CPQ: variants seen among roughly 807,000 people sequenced by gnomAD.
CPQ encodes the protein Ser-Met dipeptidase.
A neutral mutation model predicts 45.7 loss-of-function variants in CPQ; 37 were observed. That is an observed-to-expected ratio of 0.81 (90% CI 0.62 to 1.07). The LOEUF (loss-of-function observed/expected upper bound fraction) is 1.07, where lower values mean the gene tolerates loss of function less well. Ranked by LOEUF, CPQ falls within the 50% of genes least tolerant of loss-of-function variation. The probability of loss-of-function intolerance (pLI) is 0.00; values close to 1 mark genes in which losing one functional copy is unlikely to be tolerated. For synonymous variants in CPQ, 186 were observed against 205.8 expected, an observed-to-expected ratio of 0.90 and a Z score of 0.82; for missense variants, 537 against 572.9, an observed-to-expected ratio of 0.94 and a Z score of 0.64.
intron 6 of CPQ, among the ~76,000 whole-genome samples, chr8:97,039,429 C>A (rs1469429158): frequency 6.7e-6 from 1 of 149,866 alleles, no homozygotes; most frequent in African/African-American, 2.5e-5. Context: ...TTAATATTTC[C>A]TTTCCTTTTT....
At chr8:96,662,307 CTT>C (rs1219071824) in intron 1 of CPQ, among the ~76,000 whole-genome samples, 1 of 152,032 alleles carries the variant, frequency 6.6e-6, no homozygotes, top group Non-Finnish European at 1.5e-5. Context: ...CAATTTGGAA[CTT>C]TTAACATTTA....
intron 1 of CPQ, among the ~76,000 whole-genome samples, chr8:96,706,101 AG>A (rs1809527635): frequency 6.6e-6 from 1 of 152,270 alleles, no homozygotes; most frequent in Non-Finnish European, 1.5e-5. Context: ...GTAATGTTAA[AG>A]GCTTGCTGAC....
chr8:96,854,536 A>AC, intron 3 of CPQ, among the ~76,000 whole-genome samples: 1 of 89,900 alleles, frequency 1.1e-5, no homozygotes, highest in Non-Finnish European at 2.3e-5. Flanking sequence ...GTCTCAAAAA[A>AC]AAAAAAAAAA....
chr8:97,111,725 C>T (rs1811500743), intron 7 of CPQ, among the ~76,000 whole-genome samples: 1 of 152,200 alleles, frequency 6.6e-6, no homozygotes, highest in Non-Finnish European at 1.5e-5. Flanking sequence ...GGCCCTGCCT[C>T]ATGTCGTCAG....
At chr8:96,823,574 ACTTT>A (rs1184288159) in intron 2 of CPQ, among the ~76,000 whole-genome samples, 2 of 151,894 alleles carry the variant, frequency 1.3e-5, no homozygotes, top group African/African-American at 4.8e-5. Context: ...ATTTTACTAT[ACTTT>A]CTTCCTTTCT....
intron 5 of CPQ, among the ~76,000 whole-genome samples, chr8:96,981,924 C>T (rs1281171175): frequency 6.6e-6 from 1 of 152,188 alleles, no homozygotes; most frequent in Non-Finnish European, 1.5e-5. Flanking sequence ...CTGTCTGGGA[C>T]TCAGTTCCTT....
At chr8:96,972,421 C>A (rs918959967) in intron 5 of CPQ, among the ~76,000 whole-genome samples, 9 of 152,204 alleles carry the variant, frequency 5.9e-5, no homozygotes, top group Non-Finnish European at 1.2e-4. Flanking sequence ...CTTTCTCTAC[C>A]TGCCCTGGTA....
At chr8:96,945,564 GT>G (rs746947428) in intron 4 of CPQ, among the ~76,000 whole-genome samples, 1 of 151,994 alleles carries the variant, frequency 6.6e-6, no homozygotes, top group Non-Finnish European at 1.5e-5. Context: ...TGATTGAGCT[GT>G]TTTTTCTTTT....
At chr8:96,999,320 AG>A (rs1003809349) in intron 5 of CPQ, among the ~76,000 whole-genome samples, 2 of 151,374 alleles carry the variant, frequency 1.3e-5, no homozygotes, top group African/African-American at 4.9e-5. Flanking sequence ...TTTGTTGTAC[AG>A]GTTATTTCAT....
chr8:96,946,254 C>A (rs1467723019), intron 4 of CPQ, among the ~76,000 whole-genome samples: 1 of 152,048 alleles, frequency 6.6e-6, no homozygotes, highest in Non-Finnish European at 1.5e-5. Context: ...AAAACAGATA[C>A]TTGCATTGCT....
chr8:96,744,810 T>C (rs771324791), intron 1 of CPQ, among the ~76,000 whole-genome samples: 5 of 152,206 alleles, frequency 3.3e-5, no homozygotes, highest in African/African-American at 9.6e-5. Context: ...GCAGTTTACA[T>C]TGATCATGAT....
At chr8:96,670,675 CT>C in intron 1 of CPQ, among the ~76,000 whole-genome samples, 2 of 152,062 alleles carry the variant, frequency 1.3e-5, no homozygotes, top group South Asian at 4.1e-4. Context: ...TATATCCATA[CT>C]ATGGAATACT....
intron 6 of CPQ, among the ~76,000 whole-genome samples, chr8:97,046,044 C>T (rs574450207): frequency 1.3e-5 from 2 of 152,306 alleles, no homozygotes; most frequent in South Asian, 4.1e-4. Flanking sequence ...GCACTTTTGT[C>T]TTTCTTTCTG....
intron 4 of CPQ, among the ~76,000 whole-genome samples, chr8:96,909,337 T>C (rs1415420420): frequency 1.3e-5 from 2 of 152,050 alleles, no homozygotes; most frequent in South Asian, 2.1e-4. Context: ...GCAGCAGGAA[T>C]TCACAATTAC....
chr8:97,129,579 CAA>C (rs1811905916), intron 7 of CPQ, among the ~76,000 whole-genome samples: 1 of 151,964 alleles, frequency 6.6e-6, no homozygotes, highest in African/African-American at 2.4e-5. Context: ...ACTCCGGAAA[CAA>C]AAAGTAGGAA....
intron 7 of CPQ, chr8:97,132,970 G>A (rs1043702289): frequency 6.6e-6 from 1 of 152,142 alleles, no homozygotes; most frequent in Non-Finnish European, 1.5e-5. Context: ...GTGGTAAGGA[G>A]GTGTGGATGT....
Position 96,988,953 on chromosome 8 carries a change from T to C in CPQ, c.961+22907T>C, listed in dbSNP as rs1205459860. On this transcript the variant is annotated intron_variant, in intron 5 of 7. Transcript: ENST00000220763. ...TCTTGACCAAATATTTTTTGCCAAA[T>C]ACTTGTTGTATATTAAAGCCAGCTT... 2.0e-5 allele frequency among the ~76,000 whole-genome samples: 3 copies of C among 152,234 alleles called. No homozygotes were observed. In the East Asian group the frequency reaches 5.8e-4, roughly 29 times the overall value.
At chr8:97,022,019 C>G (rs779288143) in intron 5 of CPQ, among the ~76,000 whole-genome samples, 2 of 152,130 alleles carry the variant, frequency 1.3e-5, no homozygotes, top group Non-Finnish European at 2.9e-5. Context: ...CAGCATGGTA[C>G]TGACATGAAA....
intron 1 of CPQ, among the ~76,000 whole-genome samples, chr8:96,700,818 A>G (rs1323539279): frequency 6.6e-6 from 1 of 152,178 alleles, no homozygotes; most frequent in African/African-American, 2.4e-5. Context: ...ATGGAGGGAG[A>G]AGAACTTTCC....
Sources: allele counts gnomAD v4.1 joint callset (sites outside exome capture counted in the v4.1 genomes callset), GRCh38; gene constraint gnomAD v4.1.1; transcripts MANE v1.5; gene names NCBI Gene and HGNC (gene_info 2026-07-23, HGNC 2026-07-21).